Variants in CLNK observed in about 807,000 individuals in gnomAD.
The protein encoded by CLNK is cytokine-dependent hematopoietic cell linker.
A neutral mutation model predicts 68.6 loss-of-function variants in CLNK; 74 were observed. That is an observed-to-expected ratio of 1.08 (90% CI 0.89 to 1.31). CLNK has a LOEUF of 1.31. Ranked by LOEUF, CLNK falls within the 50% of genes most tolerant of loss-of-function variation. The pLI, the probability that CLNK is intolerant of heterozygous loss-of-function variation, is 0.00. For missense variants in CLNK, 553 were observed against 515.3 expected (o/e 1.07, Z -0.71); for synonymous variants, 198 against 172.2 (o/e 1.15, Z -1.17).
the CLNK span, among the ~76,000 whole-genome samples, chr4:10,704,994 C>T: frequency 6.6e-6 from 1 of 152,136 alleles, no homozygotes; most frequent in South Asian, 2.1e-4. Flanking sequence ...GATGGTATGG[C>T]CCAAGCGTGG....
At chr4:10,570,240 C>G (rs1195666845) in intron 5 of CLNK, among the ~76,000 whole-genome samples, 1 of 152,272 alleles carries the variant, frequency 6.6e-6, no homozygotes, top group East Asian at 1.9e-4. Flanking sequence ...GGATGTGAGC[C>G]TGAACCCATT....
chr4:10,559,300 G>A (rs1451384114), intron 7 of CLNK, among the ~76,000 whole-genome samples: 12 of 152,142 alleles, frequency 7.9e-5, no homozygotes, highest in African/African-American at 2.7e-4. Flanking sequence ...ATCCTCTGTG[G>A]AACATTGAAC....
chr4:10,666,448 T>C (rs991532147), intron 2 of CLNK, among the ~76,000 whole-genome samples: 8 of 152,210 alleles, frequency 5.3e-5, no homozygotes, highest in East Asian at 3.8e-4. Flanking sequence ...CTCACCTGGA[T>C]TGACATCAGC....
chr4:10,495,068 G>C (rs1716752811), intron 18 of CLNK, among the ~76,000 whole-genome samples: 1 of 152,060 alleles, frequency 6.6e-6, no homozygotes, highest in South Asian at 2.1e-4. Context: ...CAAGCAGGAG[G>C]AGAAGGAAGG....
chr4:10,697,333 A>C, the CLNK span: 2 of 152,128 alleles, frequency 1.3e-5, no homozygotes, highest in African/African-American at 4.8e-5. Context: ...CAGAGACATG[A>C]ATACTTGAGC....
At chr4:10,567,131 G>GAAAAAAAAAAAAAAAAAAAAAAAAATAA (rs61037076) in intron 5 of CLNK, among the ~76,000 whole-genome samples, 1 of 110,552 alleles carries the variant, frequency 9.0e-6, no homozygotes, top group Non-Finnish European at 1.8e-5. Flanking sequence ...ACAATCTTGG[G>GAAAAAAAAAAAAAAAAAAAAAAAAATAA]AAAAAAAAAA....
chr4:10,674,517 A>G (rs1192678089), intron 1 of CLNK, among the ~76,000 whole-genome samples: 2 of 152,082 alleles, frequency 1.3e-5, no homozygotes, highest in Non-Finnish European at 2.9e-5. Flanking sequence ...GTTCCCATAT[A>G]ATTTATTAAC....
chr4:10,606,533 T>TAA, intron 2 of CLNK, among the ~76,000 whole-genome samples: 1 of 152,238 alleles, frequency 6.6e-6, no homozygotes, highest in South Asian at 2.1e-4. Flanking sequence ...TTATTATTAC[T>TAA]AAGTATTGTG....
At chr4:10,639,494 G>A (rs577750241) in intron 2 of CLNK, among the ~76,000 whole-genome samples, 2 of 152,290 alleles carry the variant, frequency 1.3e-5, no homozygotes, top group Admixed American at 1.3e-4. Context: ...AGAGCCTAGT[G>A]GGATTTCCTC....
At chr4:10,715,563 A>G in the CLNK span, among the ~76,000 whole-genome samples, 24 of 152,336 alleles carry the variant, frequency 1.6e-4, 1 homozygote, top group East Asian at 4.4e-3. Context: ...TTTTATTTCC[A>G]AAAGGAAAAT....
chr4:10,532,311 A>G (rs1718574620), intron 11 of CLNK, 28 bp from the exon 12 acceptor site: 1 of 1,590,868 alleles, frequency 6.3e-7, no homozygotes, highest in Non-Finnish European at 8.6e-7. Context: ...ACGGTGTTAC[A>G]TAAAACACAG....
At chr4:10,619,251 C>G (rs112316363) in intron 2 of CLNK, among the ~76,000 whole-genome samples, 1 of 152,150 alleles carries the variant, frequency 6.6e-6, no homozygotes, top group Non-Finnish European at 1.5e-5. Flanking sequence ...ATCGCTGGAG[C>G]CTTTTCACGC....
chr4:10,627,503 G>A (rs1722720709), intron 2 of CLNK, among the ~76,000 whole-genome samples: 1 of 152,122 alleles, frequency 6.6e-6, no homozygotes, highest in Non-Finnish European at 1.5e-5. Context: ...ACTATGTTAG[G>A]TCTGATTCAT....
the CLNK span, among the ~76,000 whole-genome samples, chr4:10,699,519 T>TTTA: frequency 1.5e-5 from 2 of 132,986 alleles, no homozygotes; most frequent in African/African-American, 5.8e-5. Context: ...TATATTTTTT[T>TTTA]TTTTTTTTTT....
chr4:10,732,258 T>A, the CLNK span, among the ~76,000 whole-genome samples: 1 of 152,212 alleles, frequency 6.6e-6, no homozygotes, highest in East Asian at 1.9e-4. Flanking sequence ...AGTCAGTCTT[T>A]GTGAGCTCAT....
At chr4:10,713,499 C>A in the CLNK span, among the ~76,000 whole-genome samples, 2 of 151,984 alleles carry the variant, frequency 1.3e-5, no homozygotes, top group African/African-American at 4.8e-5. Flanking sequence ...GAGGTCATGG[C>A]CCATATCACA....
chr4:10,676,210 A>AAAAATGAG (rs1724867062), intron 1 of CLNK, among the ~76,000 whole-genome samples: 3 of 152,242 alleles, frequency 2.0e-5, no homozygotes, highest in Admixed American at 2.0e-4. Flanking sequence ...TTTTCATATC[A>AAAAATGAG]AAAATGAGAA....
intron 2 of CLNK, among the ~76,000 whole-genome samples, chr4:10,637,236 G>A (rs1723125827): frequency 6.6e-6 from 1 of 152,132 alleles, no homozygotes; most frequent in African/African-American, 2.4e-5. Flanking sequence ...AATGGGGCTT[G>A]AGCAAAAGGG....
the CLNK span, among the ~76,000 whole-genome samples, chr4:10,701,514 T>C: frequency 6.6e-6 from 1 of 152,206 alleles, no homozygotes; most frequent in Non-Finnish European, 1.5e-5. Flanking sequence ...GAGCCTGTTG[T>C]GCTGTGAGAT....
Sources: allele counts gnomAD v4.1 joint callset (sites outside exome capture counted in the v4.1 genomes callset), GRCh38; gene constraint gnomAD v4.1.1; transcripts MANE v1.5; gene names NCBI Gene and HGNC (gene_info 2026-07-23, HGNC 2026-07-21).